Variants in VAV3 observed in about 807,000 individuals in gnomAD.
The protein encoded by VAV3 is vav guanine nucleotide exchange factor 3.
Under a neutral mutation model 131.2 loss-of-function variants are expected in VAV3, and 94 were observed. That is an observed-to-expected ratio of 0.72 (90% CI 0.61 to 0.85). The LOEUF (loss-of-function observed/expected upper bound fraction) is 0.85. VAV3 is among the 40% of genes least tolerant of loss of function. VAV3 has a pLI of 0.00. For synonymous variants in VAV3, 349 were observed against 342.0 expected (o/e 1.02, Z -0.22); for missense variants, 939 against 1,002.7 (o/e 0.94, Z 0.86).
intron 22 of VAV3, among the ~76,000 whole-genome samples, chr1:107,607,355 C>T (rs1043129222): frequency 1.3e-5 from 2 of 152,098 alleles, no homozygotes; most frequent in Non-Finnish European, 2.9e-5. Context: ...CAAAAATCTT[C>T]CAAATTCCTG....
intron 19 of VAV3, among the ~76,000 whole-genome samples, chr1:107,659,192 T>C (rs1385367294): frequency 2.0e-5 from 3 of 152,066 alleles, no homozygotes; most frequent in Non-Finnish European, 4.4e-5. Flanking sequence ...CCCAGCACCA[T>C]TTATTAAATA....
intron 15 of VAV3, among the ~76,000 whole-genome samples, chr1:107,736,263 A>C (rs7547094): frequency 0.1 from 15,203 of 151,984 alleles, 1,155 homozygotes; most frequent in African/African-American, 0.21. Context: ...ACTGAATGGG[A>C]AAAAACTGGA....
chr1:107,626,392 T>G (rs562686511), intron 20 of VAV3, among the ~76,000 whole-genome samples: 1 of 152,232 alleles, frequency 6.6e-6, no homozygotes, highest in Non-Finnish European at 1.5e-5. Context: ...TACTGCCTTT[T>G]TCTCCTTTCC....
Position 107,766,527 on chromosome 1 carries a change from G to T in VAV3, c.741C>A (p.Asn247Lys). The part of the protein sequence containing the change: ...NIPELVKLHR[N>K]LMQEIHDSIV... ...TGGAATCATGAATCTCTTGCATTAG[G>T]TTCCGATGAAGTTTTACAAGTTCCT... The change falls in exon 8 of 27, where the codon AAC becomes AAA. Residue 247 changes from asparagine to lysine, a missense_variant. Transcript: ENST00000370056. 6.2e-7 allele frequency: 1 copy of T among 1,613,240 alleles called. No individual in the cohort carries two copies.
chr1:107,776,746 T>A (rs747868264), intron 4 of VAV3, among the ~76,000 whole-genome samples: 1 of 152,216 alleles, frequency 6.6e-6, no homozygotes, highest in Non-Finnish European at 1.5e-5. Flanking sequence ...CAGCAGAAGA[T>A]AATCGGCTGC....
In VAV3 at chr1:107,909,541, T is replaced by C. The variant is rs1672268071; in HGVS notation, c.205-34524A>G. 2.6e-5 allele frequency among the ~76,000 whole-genome samples: 4 copies of C among 152,170 alleles called. No homozygotes were observed. In the South Asian group the frequency reaches 8.3e-4, roughly 31 times the overall value. On this transcript the variant is annotated intron_variant, in intron 1 of 26. Transcript: ENST00000370056. Reference sequence around the variant, plus strand: ...GCTGAACCCATTTTAATCCAATTGGTACAGATTAATCACAAATTCCATACC... The same window carrying C: ...GCTGAACCCATTTTAATCCAATTGGCACAGATTAATCACAAATTCCATACC...
chr1:107,751,044 A>G (rs1663689362), intron 13 of VAV3, 73 bp downstream of exon 13: 2 of 1,434,022 alleles, frequency 1.4e-6, no homozygotes, highest in Non-Finnish European at 1.9e-6. Context: ...ACACTGGAAA[A>G]ATTGTCTTTA....
At chr1:107,660,909 G>T (rs993643483) in intron 19 of VAV3, among the ~76,000 whole-genome samples, 2 of 152,010 alleles carry the variant, frequency 1.3e-5, no homozygotes, top group Non-Finnish European at 2.9e-5. Context: ...ATCTCATCAA[G>T]TGTTCAGGGA....
intron 1 of VAV3, among the ~76,000 whole-genome samples, chr1:107,934,693 A>C (rs945242791): frequency 1.3e-5 from 2 of 152,206 alleles, no homozygotes; most frequent in African/African-American, 4.8e-5. Flanking sequence ...TAGTTCCAAA[A>C]ATAAGTTATG....
chr1:107,874,373 G>T (rs562816161), intron 2 of VAV3, among the ~76,000 whole-genome samples: 1 of 152,280 alleles, frequency 6.6e-6, no homozygotes, highest in African/African-American at 2.4e-5. Flanking sequence ...TCAAGCAACA[G>T]AAATTATTCA....
intron 3 of VAV3, among the ~76,000 whole-genome samples, chr1:107,779,060 T>C (rs1373189847): frequency 6.6e-6 from 1 of 152,096 alleles, no homozygotes; most frequent in Non-Finnish European, 1.5e-5. Context: ...GTTATTATGA[T>C]CTACTCTATA....
At chr1:107,740,073 G>C (rs1415664786) in intron 15 of VAV3, among the ~76,000 whole-genome samples, 1 of 152,206 alleles carries the variant, frequency 6.6e-6, no homozygotes, top group Non-Finnish European at 1.5e-5. Context: ...GATCACCTGA[G>C]GTCAGAAGTT....
At chr1:107,583,873 C>T (rs1188413122) in intron 25 of VAV3, among the ~76,000 whole-genome samples, 2 of 152,158 alleles carry the variant, frequency 1.3e-5, no homozygotes, top group Non-Finnish European at 2.9e-5. Flanking sequence ...ATCAAGCTAC[C>T]AATGACTTTC....
intron 1 of VAV3, among the ~76,000 whole-genome samples, chr1:107,882,216 A>G (rs749792838): frequency 1.3e-5 from 2 of 152,140 alleles, no homozygotes; most frequent in African/African-American, 2.4e-5. Context: ...CCTTCACACA[A>G]TGTAGATTTT....
intron 19 of VAV3, among the ~76,000 whole-genome samples, chr1:107,668,177 T>G (rs7538840): frequency 6.6e-6 from 1 of 152,034 alleles, no homozygotes; most frequent in African/African-American, 2.4e-5. Context: ...CCTCCCTCCA[T>G]TGAGCATCTG....
At chr1:107,947,206 T>C (rs1416396222) in intron 1 of VAV3, among the ~76,000 whole-genome samples, 1 of 152,206 alleles carries the variant, frequency 6.6e-6, no homozygotes. Context: ...CAATTCTGGG[T>C]AGAGTGTTAC....
intron 2 of VAV3, among the ~76,000 whole-genome samples, chr1:107,839,347 T>C (rs1373264274): frequency 2.0e-5 from 3 of 152,108 alleles, no homozygotes; most frequent in South Asian, 4.1e-4. Flanking sequence ...TCAGACAATA[T>C]GGAACTAAAC....
intron 15 of VAV3, among the ~76,000 whole-genome samples, chr1:107,740,156 G>A (rs902419918): frequency 2.3e-4 from 35 of 152,114 alleles, no homozygotes; most frequent in African/African-American, 7.7e-4. Flanking sequence ...GTGTGGTGTT[G>A]CGTGCCTATA....
At chr1:107,642,149 A>G (rs1366109037) in intron 20 of VAV3, among the ~76,000 whole-genome samples, 2 of 152,162 alleles carry the variant, frequency 1.3e-5, no homozygotes, top group Non-Finnish European at 2.9e-5. Context: ...ACTCGACTGC[A>G]TTCCCTGACA....
Sources: gnomAD v4.1 joint callset for allele counts (sites outside exome capture counted in the v4.1 genomes callset) on GRCh38, gnomAD v4.1.1 for gene constraint, MANE v1.5 for transcripts, NCBI Gene and HGNC (gene_info 2026-07-23, HGNC 2026-07-21) for gene names.